Variants in DTL observed in about 807,000 individuals in gnomAD.
DTL encodes the protein denticleless E3 ubiquitin protein ligase adapter, also known as denticleless protein homolog.
DTL carries 46 observed loss-of-function variants against 87.0 expected under a neutral mutation model. The observed-to-expected ratio is 0.53, with a 90% CI of 0.42 to 0.68. DTL has a LOEUF of 0.68. Among genes scored for constraint, DTL ranks in the 30% least tolerant of loss-of-function variants. DTL has a pLI of 0.00. For synonymous variants in DTL, 308 were observed against 311.2 expected (o/e 0.99, Z 0.11); for missense variants, 737 against 869.4 (o/e 0.85, Z 1.91).
At chr1:212,079,186 C>A (rs1459000416) in intron 12 of DTL, among the ~76,000 whole-genome samples, 2 of 151,886 alleles carry the variant, frequency 1.3e-5, no homozygotes, top group Non-Finnish European at 2.9e-5. Flanking sequence ...TTTAATCACC[C>A]AAAATTACAT....
intron 14 of DTL, 134 bp downstream of exon 14, chr1:212,101,218 A>C (rs1486140443): frequency 1.6e-6 from 1 of 639,256 alleles, no homozygotes; most frequent in Admixed American, 3.6e-5. Context: ...CAAATTCAGC[A>C]CATAAATACA....
rs140776320 is a variant in DTL at position 212,053,590 on chromosome 1, G to T, written c.460+6173G>T. Among the ~76,000 whole-genome samples, 529 of 150,830 alleles carry T rather than the reference G, an allele frequency of 3.5e-3. 2 individuals are homozygous for T. The highest frequency in any genetic ancestry group is 0.012 in the African/African-American group (499 of 41,138). On this transcript the variant is annotated intron_variant, in intron 5 of 14. Transcript: ENST00000366991. ...TTTTTTCTTCCTTTTTTTGTTTTTT[G>T]TTGTTGTTGTTGTTTGAGACAGGGT...
At chr1:212,061,661 TAG>T (rs796888356) in intron 5 of DTL, among the ~76,000 whole-genome samples, 58 of 152,228 alleles carry the variant, frequency 3.8e-4, no homozygotes, top group African/African-American at 1.3e-3. Flanking sequence ...AACGAACAAA[TAG>T]AGTTTTTAAA....
At chr1:212,047,845 A>G (rs1667852477) in intron 5 of DTL, among the ~76,000 whole-genome samples, 1 of 152,218 alleles carries the variant, frequency 6.6e-6, no homozygotes, top group African/African-American at 2.4e-5. Flanking sequence ...CAGGTGATTA[A>G]GATTCTAACA....
chr1:212,077,830 AAAGTTTACCACCT>A, intron 11 of DTL: 1 of 184,628 alleles, frequency 5.4e-6, no homozygotes, highest in Admixed American at 6.0e-5. Context: ...ATCCTTCCAG[AAAGTTTACCACCT>A]AAGGAATAAG....
At chr1:212,050,369 C>G (rs1427118449) in intron 5 of DTL, among the ~76,000 whole-genome samples, 1 of 152,138 alleles carries the variant, frequency 6.6e-6, no homozygotes, top group African/African-American at 2.4e-5. Flanking sequence ...CCCTAAGTAT[C>G]TACCAACTAA....
intron 12 of DTL, chr1:212,080,360 A>G (rs926931399): frequency 3.4e-6 from 1 of 292,098 alleles, no homozygotes; most frequent in Non-Finnish European, 6.4e-6. Flanking sequence ...ATTAGATAAG[A>G]AATGACCAGT....
At chr1:212,068,366 T>A in intron 9 of DTL, 39 bp downstream of exon 9, 1 of 1,343,904 alleles carries the variant, frequency 7.4e-7, no homozygotes, top group Non-Finnish European at 1.0e-6. Flanking sequence ...GATAAGAGTT[T>A]TTGTTTAAAA....
intron 13 of DTL, among the ~76,000 whole-genome samples, chr1:212,091,696 C>T (rs997299623): frequency 2.6e-5 from 4 of 152,138 alleles, no homozygotes; most frequent in Non-Finnish European, 5.9e-5. Context: ...CAGAGAAAGA[C>T]AAATACTGCA....
At chr1:212,095,878 C>T (rs906405380) in intron 13 of DTL, among the ~76,000 whole-genome samples, 1 of 152,124 alleles carries the variant, frequency 6.6e-6, no homozygotes, top group Non-Finnish European at 1.5e-5. Flanking sequence ...TAGAGTGATA[C>T]TGGCTTCATA....
intron 8 of DTL, 116 bp downstream of exon 8, chr1:212,067,001 G>A (rs931694068): frequency 1.2e-6 from 1 of 818,784 alleles, no homozygotes; most frequent in Non-Finnish European, 2.0e-6. Flanking sequence ...AACATAGCAA[G>A]TACCCCAACT....
At chr1:212,066,778 A>G in intron 7 of DTL, 34 bp from the exon 8 acceptor site, 1 of 1,602,076 alleles carries the variant, frequency 6.2e-7, no homozygotes, top group Non-Finnish European at 8.5e-7. Context: ...TATGATGCCC[A>G]AGATAGAATC....
chr1:212,051,822 C>G, intron 5 of DTL: 1 of 775,950 alleles, frequency 1.3e-6, no homozygotes, highest in South Asian at 1.4e-5. Context: ...GTAGACTCTT[C>G]CAGTTTTGCC....
chr1:212,083,255 G>C (rs1198832889), intron 13 of DTL, among the ~76,000 whole-genome samples: 1 of 152,104 alleles, frequency 6.6e-6, no homozygotes, highest in Non-Finnish European at 1.5e-5. Flanking sequence ...TTATAATATT[G>C]TCAGATCTCA....
intron 1 of DTL, among the ~76,000 whole-genome samples, chr1:212,042,677 G>T (rs1020260220): frequency 1.9e-4 from 29 of 152,206 alleles, no homozygotes; most frequent in African/African-American, 7.0e-4. Context: ...TGTCTCTTTG[G>T]TAGGAGAAGG....
chr1:212,055,235 C>T (rs1668133568), intron 5 of DTL, among the ~76,000 whole-genome samples: 1 of 152,148 alleles, frequency 6.6e-6, no homozygotes, highest in Non-Finnish European at 1.5e-5. Context: ...GCTTCCTATG[C>T]AGGGACAGAG....
At chr1:212,063,706 T>G (rs111325792) in intron 6 of DTL, among the ~76,000 whole-genome samples, 190 of 152,306 alleles carry the variant, frequency 1.2e-3, no homozygotes, top group African/African-American at 4.3e-3. Flanking sequence ...AAATTTTTTT[T>G]TGTGTCTGCA....
Position 212,078,114 on chromosome 1 carries a change from G to T in DTL, c.1036-59G>T. The T allele has an allele frequency of 5.9e-6, 6 of 1,014,928 alleles. No homozygotes were observed. In the South Asian group the frequency reaches 6.5e-5, roughly 11 times the overall value. The allele number at this position is 1,014,928 out of a possible 1,614,324, so 62.9% of individuals were successfully genotyped here. A position where few individuals can be genotyped will look rare whatever the true frequency, so the allele number is the denominator to read the frequency against. ...CTAAGACACACTTCTGAATTCAAAG[G>T]CCTCTATCTGGGAAATCTAATATTG... On this transcript the variant is annotated intron_variant, in intron 11 of 14. Coordinates refer to ENST00000366991, the MANE Select transcript of DTL (RefSeq NM_016448.4).
At chr1:212,101,637 TCTC>T (rs1190381969) in intron 14 of DTL, among the ~76,000 whole-genome samples, 1 of 152,204 alleles carries the variant, frequency 6.6e-6, no homozygotes, top group Non-Finnish European at 1.5e-5. Context: ...TTTTATGACT[TCTC>T]CACAATCTTT....
Sources: allele counts gnomAD v4.1 joint callset (sites outside exome capture counted in the v4.1 genomes callset), GRCh38; gene constraint gnomAD v4.1.1; transcripts MANE v1.5; gene names NCBI Gene and HGNC (gene_info 2026-07-23, HGNC 2026-07-21).